The following ANKS1B variants were observed in gnomAD, a reference collection of about 807,000 sequenced individuals.
ANKS1B encodes the protein ankyrin repeat and sterile alpha motif domain-containing protein 1B.
In ANKS1B, 36 loss-of-function variants were observed where a neutral mutation model predicts 148.3. The observed-to-expected ratio is 0.24, with a 90% CI of 0.19 to 0.32. The LOEUF is 0.32. Ranked by LOEUF, ANKS1B falls within the 10% of genes least tolerant of loss-of-function variation. ANKS1B has a pLI of 1.00. For missense variants in ANKS1B, 1,157 were observed against 1,542.6 expected (o/e 0.75, Z 4.19); for synonymous variants, 542 against 560.8 (o/e 0.97, Z 0.47).
intron 12 of ANKS1B, among the ~76,000 whole-genome samples, chr12:99,381,889 A>G (rs2093656756): frequency 6.6e-6 from 1 of 152,232 alleles, no homozygotes; most frequent in Non-Finnish European, 1.5e-5. Context: ...TGATAAAACA[A>G]AACAGTACCT....
chr12:99,157,960 T>C (rs2076250001), intron 14 of ANKS1B, among the ~76,000 whole-genome samples: 1 of 152,174 alleles, frequency 6.6e-6, no homozygotes, highest in Non-Finnish European at 1.5e-5. Flanking sequence ...TTTATTCTTT[T>C]AGGTATTCAA....
At chr12:99,038,777 G>A (rs978094535) in intron 17 of ANKS1B, among the ~76,000 whole-genome samples, 1 of 152,178 alleles carries the variant, frequency 6.6e-6, no homozygotes, top group African/African-American at 2.4e-5. Flanking sequence ...CCCTCAGCCT[G>A]GAGTGCTGAT....
intron 14 of ANKS1B, among the ~76,000 whole-genome samples, chr12:99,203,629 T>A (rs2082319542): frequency 6.6e-6 from 1 of 152,040 alleles, no homozygotes; most frequent in African/African-American, 2.4e-5. Context: ...TTTTTTGTAC[T>A]TTTAGTAGAG....
chr12:99,782,737 G>A (rs935709887), intron 4 of ANKS1B, among the ~76,000 whole-genome samples: 2 of 152,176 alleles, frequency 1.3e-5, no homozygotes, highest in African/African-American at 2.4e-5. Context: ...TATAGGCCAA[G>A]AGTAGCTGAT....
At chr12:99,847,109 C>CT (rs532394509) in intron 1 of ANKS1B, among the ~76,000 whole-genome samples, 80 of 145,794 alleles carry the variant, frequency 5.5e-4, no homozygotes, top group Admixed American at 7.5e-4. Context: ...TTTTTTCTTT[C>CT]TTTTTTTTTT....
intron 1 of ANKS1B, among the ~76,000 whole-genome samples, chr12:99,958,805 G>A (rs117595755): frequency 4.3e-3 from 653 of 152,270 alleles, no homozygotes; most frequent in Middle Eastern, 6.8e-3. Context: ...AAGGAAAAAC[G>A]TCAGGCATGG....
At chr12:98,821,614 C>G (rs2099192540) in intron 19 of ANKS1B, among the ~76,000 whole-genome samples, 1 of 152,118 alleles carries the variant, frequency 6.6e-6, no homozygotes, top group African/African-American at 2.4e-5. Context: ...AATACTGAGA[C>G]TTTTTCTTTT....
chr12:98,805,578 T>G (rs1473420848), intron 20 of ANKS1B, among the ~76,000 whole-genome samples: 1 of 152,136 alleles, frequency 6.6e-6, no homozygotes, highest in Non-Finnish European at 1.5e-5. Context: ...TACCAACAAC[T>G]GAAAAATACA....
At chr12:98,872,623 A>T (rs1180304129) in intron 17 of ANKS1B, among the ~76,000 whole-genome samples, 1 of 152,182 alleles carries the variant, frequency 6.6e-6, no homozygotes, top group Non-Finnish European at 1.5e-5. Flanking sequence ...TCCTATTGAG[A>T]TTAAAACACA....
intron 14 of ANKS1B, among the ~76,000 whole-genome samples, chr12:99,163,880 T>C (rs1601307202): frequency 6.6e-6 from 1 of 152,206 alleles, no homozygotes; most frequent in Admixed American, 6.5e-5. Context: ...AGAGTGGCTG[T>C]ACCATTTTAC....
At chr12:98,919,771 G>T (rs1440603359) in intron 17 of ANKS1B, among the ~76,000 whole-genome samples, 1 of 152,166 alleles carries the variant, frequency 6.6e-6, no homozygotes, top group Non-Finnish European at 1.5e-5. Context: ...TGTTATGACT[G>T]AATGGAAGCT....
chr12:99,102,448 TAAGA>T (rs1272417142), intron 15 of ANKS1B, among the ~76,000 whole-genome samples: 3 of 151,950 alleles, frequency 2.0e-5, no homozygotes, highest in African/African-American at 7.2e-5. Flanking sequence ...TTTTCACTCG[TAAGA>T]ATAGGAGGTG....
At chr12:99,399,847 A>C (rs1035530491) in intron 11 of ANKS1B, 36 bp from the exon 12 acceptor site, 1 of 1,599,630 alleles carries the variant, frequency 6.3e-7, no homozygotes, top group African/African-American at 1.3e-5. Context: ...TATTAATATG[A>C]TCATGTTCAT....
At chr12:99,087,823 G>T (rs1454437929) in intron 15 of ANKS1B, among the ~76,000 whole-genome samples, 1 of 152,182 alleles carries the variant, frequency 6.6e-6, no homozygotes, top group Non-Finnish European at 1.5e-5. Context: ...CTATCTCTAG[G>T]TAATCCTGAC....
chr12:99,379,239 T>C (rs549235861), intron 12 of ANKS1B, among the ~76,000 whole-genome samples: 12 of 152,356 alleles, frequency 7.9e-5, no homozygotes, highest in Non-Finnish European at 1.6e-4. Flanking sequence ...TTCTAAAGTA[T>C]ATCACAAATG....
chr12:99,940,160 T>A (rs1022858075), intron 1 of ANKS1B, among the ~76,000 whole-genome samples: 10 of 152,300 alleles, frequency 6.6e-5, no homozygotes, highest in African/African-American at 2.2e-4. Context: ...TAAAGCTTGA[T>A]TATACGCCCA....
chr12:99,162,029 T>C (rs1030207580), intron 14 of ANKS1B, among the ~76,000 whole-genome samples: 2 of 152,156 alleles, frequency 1.3e-5, no homozygotes, highest in Admixed American at 6.5e-5. Context: ...GCAAATTGCA[T>C]GAACCTTGAA....
intron 11 of ANKS1B, among the ~76,000 whole-genome samples, chr12:99,419,464 G>T (rs1392847423): frequency 6.6e-6 from 1 of 152,020 alleles, no homozygotes; most frequent in African/African-American, 2.4e-5. Context: ...TTTTATTCCT[G>T]ATATAGGTAA....
At chr12:99,086,895 C>A (rs2052047211) in intron 15 of ANKS1B, among the ~76,000 whole-genome samples, 1 of 152,082 alleles carries the variant, frequency 6.6e-6, no homozygotes, top group Non-Finnish European at 1.5e-5. Flanking sequence ...TACCATTAGA[C>A]ACTCAAAGCA....
Sources: gnomAD v4.1 joint callset for allele counts (sites outside exome capture counted in the v4.1 genomes callset) on GRCh38, gnomAD v4.1.1 for gene constraint, MANE v1.5 for transcripts, NCBI Gene and HGNC (gene_info 2026-07-23, HGNC 2026-07-21) for gene names.